The following DOCK2 variants were observed in gnomAD, a reference collection of about 807,000 sequenced individuals.
DOCK2 encodes the protein dedicator of cytokinesis 2.
Under a neutral mutation model 248.9 loss-of-function variants are expected in DOCK2, and 87 were observed. That is an observed-to-expected ratio of 0.35 (90% CI 0.29 to 0.42). The LOEUF (loss-of-function observed/expected upper bound fraction) is 0.42. DOCK2 is among the 10% of genes least tolerant of loss of function. The pLI, the probability that DOCK2 is intolerant of heterozygous loss-of-function variation, is 1.00. For synonymous variants in DOCK2, 805 were observed against 821.6 expected (o/e 0.98, Z 0.35); for missense variants, 1,747 against 2,300.2 (o/e 0.76, Z 4.92).
intron 14 of DOCK2, chr5:169,704,096 C>A (rs1561617868): frequency 6.6e-6 from 1 of 152,146 alleles, no homozygotes. Flanking sequence ...ATTCTGGGGG[C>A]TGACATGGAA....
In DOCK2 at chr5:170,080,230, C is replaced by T. The variant is rs776254768; in HGVS notation, c.5234C>T (p.Ala1745Val). 17 of 1,614,152 alleles carry T rather than the reference C, an allele frequency of 1.1e-5. No homozygotes were observed. Among genetic ancestry groups the T allele is most frequent in the African/African-American group, 2.7e-5 (2 of 75,024 alleles). ...LSEHAAIPLK[A>V]SVLSQMSFAS... is the part of the protein sequence containing the mutation. Reference sequence around the variant, plus strand: ...GAGCATGCGGCCATCCCCCTCAAGGCGTCTGTCCTCTCTCAAATGAGCTTT... The same window carrying T: ...GAGCATGCGGCCATCCCCCTCAAGGTGTCTGTCCTCTCTCAAATGAGCTTT... Residue 1745 changes from alanine (A) to valine (V), a missense_variant, in exon 50 of 52, where the codon GCG becomes GTG. Around this residue, in one of 4 missense-constraint regions of DOCK2, gnomAD observed 513 missense variants for 586.1 expected, o/e 0.88. Coordinates refer to ENST00000520908, the MANE Select transcript of DOCK2 (RefSeq NM_004946.3).
At position 169,793,073 on chromosome 5, in the gene DOCK2, A is replaced by G. The variant is rs142943240; in HGVS notation, c.2555-9985A>G. On this transcript the variant is annotated intron_variant, in intron 25 of 51. Coordinates refer to ENST00000520908, the MANE Select transcript of DOCK2 (RefSeq NM_004946.3). ...GCTATCTCAGTGGCCATTTCCTGCC[A>G]TCGGAGAGATGTTGATGGGAGTCTT... Among the ~76,000 whole-genome samples the G allele has an allele frequency of 2.7e-3, 407 of 152,300 alleles. 2 individuals are homozygous for G. Among genetic ancestry groups the G allele is most frequent in the African/African-American group, 9.2e-3 (381 of 41,562 alleles).
intron 29 of DOCK2, among the ~76,000 whole-genome samples, chr5:169,987,377 G>T (rs1778094336): frequency 6.6e-6 from 1 of 152,194 alleles, no homozygotes; most frequent in African/African-American, 2.4e-5. Context: ...TTGGAACTGG[G>T]TCAGTTCTAC....
intron 32 of DOCK2, among the ~76,000 whole-genome samples, chr5:170,014,260 C>T (rs1236102066): frequency 6.6e-6 from 1 of 152,108 alleles, no homozygotes; most frequent in African/African-American, 2.4e-5. Context: ...CTGTGGTAGG[C>T]TCCCCAAAGA....
At chr5:169,812,685 A>T (rs1453750595) in intron 26 of DOCK2, among the ~76,000 whole-genome samples, 1 of 152,226 alleles carries the variant, frequency 6.6e-6, no homozygotes, top group Non-Finnish European at 1.5e-5. Context: ...TGCCTGGCAA[A>T]TAATCTGCAC....
At chr5:170,068,384 G>GA (rs1422047658) in intron 45 of DOCK2, among the ~76,000 whole-genome samples, 3 of 152,158 alleles carry the variant, frequency 2.0e-5, no homozygotes, top group Non-Finnish European at 4.4e-5. Context: ...GACACTGAAG[G>GA]AAAAATGAAC....
intron 22 of DOCK2, among the ~76,000 whole-genome samples, chr5:169,723,112 T>C (rs1581097032): frequency 6.6e-6 from 1 of 152,324 alleles, no homozygotes; most frequent in East Asian, 1.9e-4. Flanking sequence ...CATCCTGCCT[T>C]CTGCTCTTAT....
At chr5:169,878,063 C>A (rs1772431088) in intron 27 of DOCK2, among the ~76,000 whole-genome samples, 1 of 152,174 alleles carries the variant, frequency 6.6e-6, no homozygotes, top group Admixed American at 6.5e-5. Flanking sequence ...AATGCGTGAT[C>A]TCTGTAATCA....
chr5:169,799,804 C>T (rs937774161), intron 25 of DOCK2, among the ~76,000 whole-genome samples: 2 of 149,780 alleles, frequency 1.3e-5, no homozygotes, highest in African/African-American at 2.4e-5. Context: ...CTTAGGCCAA[C>T]GAGTTGGTTT....
intron 27 of DOCK2, among the ~76,000 whole-genome samples, chr5:169,846,318 G>A (rs892742279): frequency 1.3e-5 from 2 of 152,134 alleles, no homozygotes; most frequent in Non-Finnish European, 2.9e-5. Context: ...GAACCATGGG[G>A]CTAGGATGGA....
intron 19 of DOCK2, 92 bp downstream of exon 19, chr5:169,714,549 C>T (rs1761795364): frequency 7.3e-7 from 1 of 1,364,658 alleles, no homozygotes; most frequent in Non-Finnish European, 1.0e-6. Flanking sequence ...TATTGAAGGA[C>T]ATGGGGAAAC....
intron 29 of DOCK2, 118 bp downstream of exon 29, chr5:169,986,040 G>C (rs928073487): frequency 8.5e-6 from 8 of 939,788 alleles, no homozygotes; most frequent in Admixed American, 7.9e-5. Context: ...AAGTGTTAAG[G>C]CATGCTTTCT....
intron 28 of DOCK2, among the ~76,000 whole-genome samples, chr5:169,984,249 C>A (rs78874454): frequency 0.013 from 1,909 of 152,176 alleles, 41 homozygotes; most frequent in African/African-American, 0.044. Flanking sequence ...CATTAAGAAG[C>A]CACTCTTCCC....
intron 27 of DOCK2, among the ~76,000 whole-genome samples, chr5:169,945,829 G>A (rs1020721688): frequency 1.3e-5 from 2 of 152,192 alleles, no homozygotes; most frequent in Non-Finnish European, 2.9e-5. Context: ...CACGGCCTCC[G>A]TCCTTTGTGC....
rs533990043 is a variant in DOCK2, at chr5:169,984,504, G to GAGGT, written c.2899-1323_2899-1322insGGTA. On this transcript the variant is annotated intron_variant, in intron 28 of 51. Coordinates refer to ENST00000520908, the MANE Select transcript of DOCK2 (RefSeq NM_004946.3). ...CCCATTCTGCTGACGTGGAAACTAG[G>GAGGT]ACTTAAAGTGTTGAGGTAGTTTTCC... 1.7e-3 allele frequency among the ~76,000 whole-genome samples: 252 copies of GAGGT among 152,276 alleles called. 2 individuals carry two copies. The highest frequency in any genetic ancestry group is 5.7e-3 in the African/African-American group (235 of 41,546).
intron 30 of DOCK2, 58 bp from the exon 31 acceptor site, chr5:170,008,439 C>T: frequency 6.4e-7 from 1 of 1,573,104 alleles, no homozygotes; most frequent in Non-Finnish European, 8.7e-7. Context: ...CTACCCAGCG[C>T]TTATGCCTTC....
Position 169,853,550 on chromosome 5 carries a change from A to G in DOCK2, c.2799+12698A>G, listed in dbSNP as rs146580355. The stretch of plus-strand genomic sequence containing the variant: ...CAAGACTATTCTGTGAATTCTATGT[A>G]GAGAGAGGGTTGCAGGAATGAAGCA... On this transcript the variant is annotated intron_variant, in intron 27 of 51. Transcript: ENST00000520908. Among the ~76,000 whole-genome samples, 473 of 152,298 alleles carry G rather than the reference A, an allele frequency of 3.1e-3. 3 individuals are homozygous for G. Among genetic ancestry groups the G allele is most frequent in the African/African-American group, 0.011 (460 of 41,560 alleles).
chr5:169,639,737 C>T (rs1469110243), intron 1 of DOCK2, among the ~76,000 whole-genome samples: 1 of 152,196 alleles, frequency 6.6e-6, no homozygotes, highest in Non-Finnish European at 1.5e-5. Flanking sequence ...CTGACTATAG[C>T]TGCAAGGGAA....
At chr5:169,956,359 C>G (rs570354610) in intron 27 of DOCK2, among the ~76,000 whole-genome samples, 4 of 152,316 alleles carry the variant, frequency 2.6e-5, no homozygotes, top group Admixed American at 2.6e-4. Flanking sequence ...ATACTACTAA[C>G]TTAAGAGGCT....
Sources: allele counts gnomAD v4.1 joint callset (sites outside exome capture counted in the v4.1 genomes callset), GRCh38; gene constraint gnomAD v4.1.1; regional missense constraint gnomAD v4.1.1; transcripts MANE v1.5; gene names NCBI Gene and HGNC (gene_info 2026-07-23, HGNC 2026-07-21).